PLPPR1: variants seen among roughly 807,000 people sequenced by gnomAD.
The protein encoded by PLPPR1 is phospholipid phosphatase-related protein type 1.
Under a neutral mutation model 33.1 loss-of-function variants are expected in PLPPR1, and 10 were observed. The observed-to-expected ratio is 0.30, with a 90% CI of 0.19 to 0.51. The LOEUF (loss-of-function observed/expected upper bound fraction) is 0.51. Ranked by LOEUF, PLPPR1 falls within the 20% of genes least tolerant of loss-of-function variation. The pLI is 0.97. For synonymous variants in PLPPR1, 151 were observed against 151.0 expected, an observed-to-expected ratio of 1.00 and a Z score of 0.00; for missense variants, 304 against 408.1, an observed-to-expected ratio of 0.74 and a Z score of 2.20.
intron 3 of PLPPR1, among the ~76,000 whole-genome samples, chr9:101,278,126 C>T (rs966190461): frequency 2.0e-5 from 3 of 152,082 alleles, no homozygotes; most frequent in Non-Finnish European, 2.9e-5. Context: ...TTCTAAATGC[C>T]CTTTTAAATT....
chr9:101,222,797 T>G (rs1384923783), intron 2 of PLPPR1, among the ~76,000 whole-genome samples: 1 of 152,062 alleles, frequency 6.6e-6, no homozygotes, highest in Non-Finnish European at 1.5e-5. Context: ...AAAATAGAAT[T>G]TGTGTGAGAC....
chr9:101,257,807 TTTG>T (rs1827828908), intron 2 of PLPPR1, among the ~76,000 whole-genome samples: 1 of 140,008 alleles, frequency 7.1e-6, no homozygotes, highest in Non-Finnish European at 1.5e-5. Flanking sequence ...GCAAACTTCT[TTTG>T]TTGGGCTAAA....
chr9:101,269,789 C>A, intron 2 of PLPPR1, 91 bp from the exon 3 acceptor site: 1 of 1,249,298 alleles, frequency 8.0e-7, no homozygotes, highest in Non-Finnish European at 1.2e-6. Flanking sequence ...AGGAGAGCCG[C>A]TGCTGGGGTG....
chr9:101,262,069 T>C (rs1414318944), intron 2 of PLPPR1, among the ~76,000 whole-genome samples: 1 of 152,144 alleles, frequency 6.6e-6, no homozygotes, highest in Non-Finnish European at 1.5e-5. Context: ...TGCCCATTAG[T>C]TTTTAGAAAC....
intron 3 of PLPPR1, among the ~76,000 whole-genome samples, chr9:101,284,204 T>G (rs965895054): frequency 1.5e-4 from 23 of 152,266 alleles, no homozygotes; most frequent in African/African-American, 5.5e-4. Context: ...CGTTGCAGCA[T>G]TATTCCCAAT....
intron 1 of PLPPR1, among the ~76,000 whole-genome samples, chr9:101,123,185 G>T (rs1224529762): frequency 6.6e-6 from 1 of 152,140 alleles, no homozygotes; most frequent in Non-Finnish European, 1.5e-5. Context: ...AAATCTGAAA[G>T]TCCTCCCAAA....
At chr9:101,137,865 C>A (rs1394661687) in intron 1 of PLPPR1, among the ~76,000 whole-genome samples, 1 of 152,168 alleles carries the variant, frequency 6.6e-6, no homozygotes, top group East Asian at 1.9e-4. Flanking sequence ...TACTGTCATA[C>A]CCACTGTGTA....
intron 4 of PLPPR1, among the ~76,000 whole-genome samples, chr9:101,291,485 C>A (rs2118924001): frequency 6.6e-6 from 1 of 152,332 alleles, no homozygotes; most frequent in Admixed American, 6.5e-5. Context: ...CAGACTGCCT[C>A]CTCAAGTGGG....
chr9:101,189,738 C>T (rs116947247), intron 2 of PLPPR1, among the ~76,000 whole-genome samples: 7 of 152,160 alleles, frequency 4.6e-5, no homozygotes, highest in Non-Finnish European at 7.4e-5. Flanking sequence ...CATCTCTTAG[C>T]CCATCTCGTT....
At chr9:101,101,822 C>G (rs1011151130) in intron 1 of PLPPR1, among the ~76,000 whole-genome samples, 1 of 151,988 alleles carries the variant, frequency 6.6e-6, no homozygotes. Flanking sequence ...AGAATAAACC[C>G]ATGAACCCAA....
In PLPPR1 at chr9:101,184,520, CAG is replaced by C. The variant is rs371424145; in HGVS notation, c.-45-926_-45-925del. Among the ~76,000 whole-genome samples the C allele has an allele frequency of 1.7e-3, 251 of 151,868 alleles. 1 individual carries two copies. The highest frequency in any genetic ancestry group is 5.7e-3 in the African/African-American group (238 of 41,448). On this transcript the variant is annotated intron_variant, in intron 1 of 7. Transcript: ENST00000374874. ...CTACAAGAACTGTTGGTAGGGATGA[CAG>C]AGAAACAGAACAAATGAAAAATAAT...
chr9:101,073,850 C>T (rs1830507831), intron 1 of PLPPR1, among the ~76,000 whole-genome samples: 1 of 152,134 alleles, frequency 6.6e-6, no homozygotes. Flanking sequence ...ACTGAAGCAG[C>T]CAGTGCTAAT....
chr9:101,155,276 G>T (rs546431257), intron 1 of PLPPR1, among the ~76,000 whole-genome samples: 26 of 152,134 alleles, frequency 1.7e-4, no homozygotes, highest in Non-Finnish European at 3.2e-4. Context: ...AGTCTATGGT[G>T]TGCTGTTATA....
intron 1 of PLPPR1, among the ~76,000 whole-genome samples, chr9:101,065,734 C>T (rs1235248533): frequency 6.6e-6 from 1 of 152,018 alleles, no homozygotes; most frequent in Non-Finnish European, 1.5e-5. Flanking sequence ...AACATAATCC[C>T]ACTATTATTT....
At chr9:101,133,454 CCATCTGAAACCTTTTGT>C (rs1222161442) in intron 1 of PLPPR1, among the ~76,000 whole-genome samples, 1 of 152,156 alleles carries the variant, frequency 6.6e-6, no homozygotes, top group East Asian at 1.9e-4. Context: ...TCTAGCTTCA[CCATCTGAAACCTTTTGT>C]CATTTGATAA....
At chr9:101,049,692 A>G (rs960294627) in intron 1 of PLPPR1, among the ~76,000 whole-genome samples, 1 of 152,170 alleles carries the variant, frequency 6.6e-6, no homozygotes, top group African/African-American at 2.4e-5. Context: ...CTTAATGACT[A>G]TGGTATACTC....
At chr9:101,201,793 A>G (rs2567310) in intron 2 of PLPPR1, among the ~76,000 whole-genome samples, 137,525 of 152,142 alleles carry the variant, frequency 0.9, 62,249 homozygotes, top group East Asian at 0.96. Context: ...CATTTATTCA[A>G]CAACTCATCT....
chr9:101,317,162 A>G (rs1306050937), intron 6 of PLPPR1, among the ~76,000 whole-genome samples: 2 of 152,206 alleles, frequency 1.3e-5, no homozygotes, highest in African/African-American at 2.4e-5. Flanking sequence ...AACAGACCCA[A>G]TGGGGTGGAG....
At chr9:101,305,659 T>G (rs1176142059) in intron 4 of PLPPR1, among the ~76,000 whole-genome samples, 1 of 152,160 alleles carries the variant, frequency 6.6e-6, no homozygotes, top group Non-Finnish European at 1.5e-5. Context: ...TCTGTACTTT[T>G]CCCAGTTCTG....
Sources: gnomAD v4.1 joint callset for allele counts (sites outside exome capture counted in the v4.1 genomes callset) on GRCh38, gnomAD v4.1.1 for gene constraint, MANE v1.5 for transcripts, NCBI Gene and HGNC (gene_info 2026-07-23, HGNC 2026-07-21) for gene names.